RAB11FIP4: variants seen among roughly 807,000 people sequenced by gnomAD.
The protein encoded by RAB11FIP4 is RAB11 family interacting protein 4, also known as rab11 family-interacting protein 4.
A neutral mutation model predicts 74.3 loss-of-function variants in RAB11FIP4; 23 were observed. The observed-to-expected ratio is 0.31, with a 90% CI of 0.22 to 0.44. RAB11FIP4 has a LOEUF of 0.44. RAB11FIP4 is among the 20% of genes least tolerant of loss of function. The pLI is 1.00. For synonymous variants in RAB11FIP4, 360 were observed against 359.9 expected (o/e 1.00, Z 0.00); for missense variants, 630 against 863.9 (o/e 0.73, Z 3.39).
In RAB11FIP4 at chr17:31,536,734, G is replaced by A. The variant is rs1275147496; in HGVS notation, c.*5002G>A. 1.1e-5 allele frequency: 4 copies of A among 358,300 alleles called. No homozygotes were observed. The highest frequency in any genetic ancestry group is 4.0e-5 in the East Asian group (1 of 24,752). The allele number at this position is 358,300 out of a possible 1,614,324, so 22.2% of individuals were successfully genotyped here. A position where few individuals can be genotyped will look rare whatever the true frequency, so the allele number is the denominator to read the frequency against. On this transcript the variant is annotated 3_prime_UTR_variant, in exon 15 of 15. Coordinates refer to ENST00000621161, the MANE Select transcript of RAB11FIP4 (RefSeq NM_032932.6). ...ATGAATGGGGCAGCCAGCAGGAAGC[G>A]GGAGAGGCTGGAACCAGGAGCCTGC...
intron 4 of RAB11FIP4, among the ~76,000 whole-genome samples, chr17:31,519,731 C>G (rs2072627303): frequency 6.6e-6 from 1 of 152,032 alleles, no homozygotes; most frequent in South Asian, 2.1e-4. Flanking sequence ...CCTAGTATAT[C>G]TCAATGCAGG....
At chr17:31,401,160 T>C (rs1361895317) in intron 1 of RAB11FIP4, among the ~76,000 whole-genome samples, 1 of 151,988 alleles carries the variant, frequency 6.6e-6, no homozygotes, top group Non-Finnish European at 1.5e-5. Context: ...TAGTCCCAGT[T>C]ACTCGGGAGG....
Position 31,531,798 on chromosome 17 carries a change from G to T in RAB11FIP4, c.*66G>T. The T allele has an allele frequency of 9.6e-7, 1 of 1,039,052 alleles. No homozygotes were observed. The highest frequency in any genetic ancestry group is 1.3e-5 in the South Asian group (1 of 76,848). The allele number at this position is 1,039,052 out of a possible 1,614,324, so 64.4% of individuals were successfully genotyped here. On this transcript the variant is annotated 3_prime_UTR_variant, in exon 15 of 15. Coordinates refer to ENST00000621161, the MANE Select transcript of RAB11FIP4 (RefSeq NM_032932.6). Reference sequence around the variant, plus strand: ...CCAAGGGCAGACCCTGCCCAAGGATGCAGGCCTAAGCCGGGCCTCACACTC... The same window carrying T: ...CCAAGGGCAGACCCTGCCCAAGGATTCAGGCCTAAGCCGGGCCTCACACTC...
chr17:31,507,734 C>T (rs2072377959), intron 3 of RAB11FIP4, among the ~76,000 whole-genome samples: 1 of 152,144 alleles, frequency 6.6e-6, no homozygotes, highest in South Asian at 2.1e-4. Flanking sequence ...TTCAAGCAGT[C>T]CTCCTGCCTC....
rs71369069 is a variant in RAB11FIP4, at chr17:31,476,172, C to CT, written c.337-41449dup. 9.4e-3 allele frequency among the ~76,000 whole-genome samples: 597 copies of CT among 63,542 alleles called. 88 individuals carry two copies. The highest frequency in any genetic ancestry group is 0.033 in the East Asian group (56 of 1,688). 41.7% of individuals were successfully genotyped at this position (63,542 alleles called of 152,430 possible). A position where few individuals can be genotyped will look rare whatever the true frequency, so the allele number is the denominator to read the frequency against. On this transcript the variant is annotated intron_variant, in intron 3 of 14. Transcript: ENST00000621161. Reference sequence around the variant, plus strand: ...CTGCAAATAATGAGAATCGACTGAACTTTTTTTTTTTTTTTTTTTTTTTTT... The same window carrying CT: ...CTGCAAATAATGAGAATCGACTGAACTTTTTTTTTTTTTTTTTTTTTTTTTT...
chr17:31,468,698 T>C (rs2071709718), intron 3 of RAB11FIP4, among the ~76,000 whole-genome samples: 1 of 151,974 alleles, frequency 6.6e-6, no homozygotes, highest in African/African-American at 2.4e-5. Context: ...GGTGTGGTGG[T>C]GGGCACCTGT....
At chr17:31,437,903 C>G (rs2071374717) in intron 3 of RAB11FIP4, among the ~76,000 whole-genome samples, 1 of 152,134 alleles carries the variant, frequency 6.6e-6, no homozygotes, top group South Asian at 2.1e-4. Flanking sequence ...CCTGGATGCA[C>G]CAGTTCCTGA....
At chr17:31,486,565 G>A (rs1345737783) in intron 3 of RAB11FIP4, among the ~76,000 whole-genome samples, 2 of 152,184 alleles carry the variant, frequency 1.3e-5, no homozygotes, top group East Asian at 3.9e-4. Flanking sequence ...GGCATGAGCC[G>A]CCACATCCAA....
intron 3 of RAB11FIP4, among the ~76,000 whole-genome samples, chr17:31,463,391 C>T (rs572797396): frequency 3.3e-4 from 51 of 152,244 alleles, no homozygotes; most frequent in Non-Finnish European, 5.4e-4. Flanking sequence ...AGTGCCCTGG[C>T]GTGTGGTGGG....
chr17:31,499,580 C>T (rs185659024), intron 3 of RAB11FIP4, among the ~76,000 whole-genome samples: 5 of 152,320 alleles, frequency 3.3e-5, no homozygotes, highest in African/African-American at 7.2e-5. Context: ...TGGTCTCAAT[C>T]TCCTGACCTC....
chr17:31,488,337 C>T, intron 3 of RAB11FIP4: 1 of 1,126,464 alleles, frequency 8.9e-7, no homozygotes, highest in Non-Finnish European at 1.1e-6. Context: ...CTCGGCCCGG[C>T]CCGCGGCCCC....
chr17:31,521,823 TG>T, intron 5 of RAB11FIP4, 91 bp from the exon 6 acceptor site: 1 of 1,467,152 alleles, frequency 6.8e-7, no homozygotes. Flanking sequence ...TCAAAGGTAC[TG>T]GGGACTCAAG....
chr17:31,517,298 G>A (rs1445914713), intron 3 of RAB11FIP4, among the ~76,000 whole-genome samples: 1 of 151,658 alleles, frequency 6.6e-6, no homozygotes, highest in Non-Finnish European at 1.5e-5. Flanking sequence ...TAGGAAGTCA[G>A]TGTGAATCAG....
chr17:31,489,901 G>A (rs538517068), intron 3 of RAB11FIP4, among the ~76,000 whole-genome samples: 2 of 152,302 alleles, frequency 1.3e-5, no homozygotes, highest in South Asian at 4.1e-4. Flanking sequence ...AGATAAGACT[G>A]GGCCGGAGGC....
At chr17:31,467,114 T>G (rs544684526) in intron 3 of RAB11FIP4, among the ~76,000 whole-genome samples, 2 of 151,880 alleles carry the variant, frequency 1.3e-5, no homozygotes, top group African/African-American at 4.8e-5. Context: ...TTTTCTTTTC[T>G]TTTCTTTTCT....
chr17:31,396,275 C>G (rs2070930261), intron 1 of RAB11FIP4, among the ~76,000 whole-genome samples: 1 of 151,952 alleles, frequency 6.6e-6, no homozygotes, highest in Non-Finnish European at 1.5e-5. Flanking sequence ...TCCTGAAAGT[C>G]TACAATGCCA....
chr17:31,391,983 T>C lies in RAB11FIP4; in HGVS notation c.131T>C (p.Leu44Pro). 7.4e-7 allele frequency: 1 copy of C among 1,356,120 alleles called. No homozygotes were observed. The highest frequency in any genetic ancestry group is 3.1e-5 in the Admixed American group (1 of 32,738). 84.0% of individuals were successfully genotyped at this position (1,356,120 alleles called of 1,614,324 possible). The part of the protein sequence containing the change: ...GFLRVERVAA[L>P]GLRFGQGEEV... Reference sequence around the variant, plus strand: ...CTGCGCGTGGAGCGCGTCGCGGCGCTCGGACTGCGCTTCGGCCAGGGCGAG... The same window carrying C: ...CTGCGCGTGGAGCGCGTCGCGGCGCCCGGACTGCGCTTCGGCCAGGGCGAG... Residue 44 changes from leucine (L) to proline (P), a missense_variant, in exon 1 of 15, where the codon CTC becomes CCC. Physicochemically the swap from Leu to Pro is moderately conservative, Grantham distance 98. Coordinates refer to ENST00000621161, the MANE Select transcript of RAB11FIP4 (RefSeq NM_032932.6).
intron 13 of RAB11FIP4, among the ~76,000 whole-genome samples, chr17:31,530,090 C>G (rs943754494): frequency 6.6e-6 from 1 of 152,222 alleles, no homozygotes; most frequent in African/African-American, 2.4e-5. Context: ...GGCTGTAACT[C>G]CTCCACAAAC....
At chr17:31,528,244 T>C (rs1311704269) in intron 11 of RAB11FIP4, among the ~76,000 whole-genome samples, 162 bp from the exon 12 acceptor site, 8 of 152,250 alleles carry the variant, frequency 5.3e-5, no homozygotes, top group Non-Finnish European at 1.0e-4. Context: ...ATCGGGGCTC[T>C]GGCCGTTTCT....
Sources: gnomAD v4.1 joint callset for allele counts (sites outside exome capture counted in the v4.1 genomes callset) on GRCh38, gnomAD v4.1.1 for gene constraint, MANE v1.5 for transcripts, NCBI Gene and HGNC (gene_info 2026-07-23, HGNC 2026-07-21) for gene names.